NCEH1: variants seen among roughly 807,000 people sequenced by gnomAD.
The protein encoded by NCEH1 is neutral cholesterol ester hydrolase 1.
A neutral mutation model predicts 25.4 loss-of-function variants in NCEH1; 9 were observed. The observed-to-expected ratio is 0.35, with a 90% CI of 0.21 to 0.62. NCEH1 has a LOEUF of 0.62. Among genes scored for constraint, NCEH1 ranks in the 20% least tolerant of loss-of-function variants. The probability of loss-of-function intolerance (pLI) is 0.72; values close to 1 mark genes in which losing one functional copy is unlikely to be tolerated. For synonymous variants in NCEH1, 200 were observed against 199.8 expected (o/e 1.00, Z -0.01); for missense variants, 412 against 501.1 (o/e 0.82, Z 1.70).
chr3:172,696,486 T>G (rs1713379581), intron 1 of NCEH1, among the ~76,000 whole-genome samples: 1 of 152,266 alleles, frequency 6.6e-6, no homozygotes. Context: ...TTAACTAATG[T>G]TTGATGATGA....
intron 1 of NCEH1, among the ~76,000 whole-genome samples, chr3:172,696,696 T>C (rs1483858597): frequency 6.6e-6 from 1 of 152,186 alleles, no homozygotes; most frequent in African/African-American, 2.4e-5. Context: ...GTAAACACTA[T>C]GAAAATGTTC....
At chr3:172,651,812 G>A (rs1270135580) in intron 1 of NCEH1, among the ~76,000 whole-genome samples, 3 of 152,092 alleles carry the variant, frequency 2.0e-5, no homozygotes, top group East Asian at 1.9e-4. Flanking sequence ...ACCCACCTCC[G>A]CCTCCCAAAA....
At chr3:172,678,597 A>G (rs1234159075) in intron 1 of NCEH1, among the ~76,000 whole-genome samples, 1 of 152,228 alleles carries the variant, frequency 6.6e-6, no homozygotes, top group East Asian at 1.9e-4. Context: ...CTTCCATATA[A>G]TGATCTTCCT....
At chr3:172,700,131 AAACTT>A (rs1391741914) in intron 1 of NCEH1, among the ~76,000 whole-genome samples, 1 of 152,202 alleles carries the variant, frequency 6.6e-6, no homozygotes, top group Non-Finnish European at 1.5e-5. Context: ...ATAGAGGTAA[AAACTT>A]AAAGCCATTT....
At chr3:172,674,055 C>T (rs947543606) in intron 1 of NCEH1, among the ~76,000 whole-genome samples, 6 of 152,200 alleles carry the variant, frequency 3.9e-5, no homozygotes, top group African/African-American at 1.4e-4. Context: ...AGAATTAACA[C>T]AACCAGCAGA....
rs1179668494 is a variant in NCEH1 at position 172,630,755 on chromosome 3, T to G, written c.*2720A>C. ...TCACTTTATAAAATATATTTGCTAT[T>G]AAAATCATTCATAAAATCTACCTTC... On this transcript the variant is annotated 3_prime_UTR_variant, in exon 5 of 5. Coordinates refer to ENST00000475381, the MANE Select transcript of NCEH1 (RefSeq NM_020792.6). 1 of 152,216 alleles carries G rather than the reference T, an allele frequency of 6.6e-6. No individual in the cohort carries two copies. The highest frequency in any genetic ancestry group is 1.5e-5 in the Non-Finnish European group (1 of 68,042). 9.4% of individuals were successfully genotyped at this position (152,216 alleles called of 1,614,324 possible). A position where few individuals can be genotyped will look rare whatever the true frequency, so the allele number is the denominator to read the frequency against.
Position 172,662,502 on chromosome 3 carries a change from CCT to C in NCEH1, c.139-14390_139-14389del, listed in dbSNP as rs1380991635. Among the ~76,000 whole-genome samples, 3 of 152,070 alleles carry C rather than the reference CCT, an allele frequency of 2.0e-5. No individual in the cohort carries two copies. In the East Asian group the frequency reaches 5.8e-4, roughly 29 times the overall value. On this transcript the variant is annotated intron_variant, in intron 1 of 4. Transcript: ENST00000475381. ...TTATAAAATGAGTTAGGGAGGATTC[CCT>C]CTTTTTCTATGATTGGAATAGTTTC...
At position 172,683,161 on chromosome 3, in the gene NCEH1, TGG is replaced by T. The variant is rs1712488301; in HGVS notation, c.138+27684_138+27685del. Among the ~76,000 whole-genome samples the T allele has an allele frequency of 3.1e-4, 20 of 64,566 alleles. 1 individual carries two copies. The highest frequency in any genetic ancestry group is 3.6e-4 in the African/African-American group (5 of 13,762). The allele number at this position is 64,566 out of a possible 152,430, so 42.4% of individuals were successfully genotyped here. A position where few individuals can be genotyped will look rare whatever the true frequency, so the allele number is the denominator to read the frequency against. Reference sequence around the variant, plus strand: ...GCTCACGCCTGTAATCCCAGCACTTTGGGAGGCCGAGGCGGGCGGATCACGAG... The same window carrying T: ...GCTCACGCCTGTAATCCCAGCACTTTGAGGCCGAGGCGGGCGGATCACGAG... On this transcript the variant is annotated intron_variant, in intron 1 of 4. Coordinates refer to ENST00000475381, the MANE Select transcript of NCEH1 (RefSeq NM_020792.6).
rs767091713 is a variant in NCEH1 at position 172,648,123 on chromosome 3, C to A, written c.139-9G>T. The A allele has an allele frequency of 6.2e-7, 1 of 1,613,582 alleles. No homozygotes were observed. Among genetic ancestry groups the A allele is most frequent in the African/African-American group, 1.3e-5 (1 of 74,958 alleles). On this transcript the variant is annotated splice_polypyrimidine_tract_variant and intron_variant, in intron 1 of 4. Transcript: ENST00000475381. ...TAGTGGATCAGGTTACTCTGCAGGG[C>A]GAGGGAGGAAATAAAGAGGGAGGGC...
intron 1 of NCEH1, among the ~76,000 whole-genome samples, chr3:172,709,517 G>A (rs575932086): frequency 4.6e-5 from 7 of 152,296 alleles, no homozygotes; most frequent in African/African-American, 1.7e-4. Flanking sequence ...GGAAGCAAGA[G>A]GAAAAGAAGG....
intron 1 of NCEH1, among the ~76,000 whole-genome samples, chr3:172,699,874 A>G (rs1324233578): frequency 6.6e-6 from 1 of 152,112 alleles, no homozygotes; most frequent in East Asian, 1.9e-4. Context: ...AACAAAGAAA[A>G]AAACACTGTT....
intron 1 of NCEH1, among the ~76,000 whole-genome samples, chr3:172,653,737 T>TTTTGTTTTTTTTTTTGTTTTTTG (rs1253767026): frequency 3.0e-5 from 2 of 67,106 alleles, no homozygotes; most frequent in African/African-American, 1.6e-4. Flanking sequence ...GTTGTTCTGT[T>TTTTGTTTTTTTTTTTGTTTTTTG]TTTTTTGTTT....
intron 3 of NCEH1, among the ~76,000 whole-genome samples, chr3:172,642,669 T>C (rs923047470): frequency 5.2e-5 from 7 of 134,114 alleles, no homozygotes; most frequent in Admixed American, 1.5e-4. Context: ...TGCTGATAAA[T>C]AAACGTGTAA....
chr3:172,656,137 T>G (rs1234427430), intron 1 of NCEH1, among the ~76,000 whole-genome samples: 8 of 152,178 alleles, frequency 5.3e-5, no homozygotes, highest in African/African-American at 1.9e-4. Flanking sequence ...TGTAATGGGT[T>G]GCAAAGTGAG....
chr3:172,678,517 C>T (rs1021407294), intron 1 of NCEH1, among the ~76,000 whole-genome samples: 1 of 152,164 alleles, frequency 6.6e-6, no homozygotes, highest in Admixed American at 6.5e-5. Context: ...ATTGAAAGAT[C>T]CACAATTACA....
chr3:172,646,821 A>G (rs1216675170), intron 2 of NCEH1, among the ~76,000 whole-genome samples: 1 of 152,176 alleles, frequency 6.6e-6, no homozygotes, highest in African/African-American at 2.4e-5. Flanking sequence ...CAAGCGTCCA[A>G]TGCTACAGAT....
intron 1 of NCEH1, among the ~76,000 whole-genome samples, chr3:172,665,537 A>C (rs1055397869): frequency 6.6e-6 from 1 of 152,240 alleles, no homozygotes; most frequent in African/African-American, 2.4e-5. Context: ...GGGATGTTTA[A>C]GTCTGCAGAA....
At chr3:172,668,229 G>T (rs1718311710) in intron 1 of NCEH1, among the ~76,000 whole-genome samples, 1 of 151,862 alleles carries the variant, frequency 6.6e-6, no homozygotes, top group African/African-American at 2.4e-5. Flanking sequence ...AGGGAAGAAA[G>T]CAGGTAGGGA....
At position 172,667,336 on chromosome 3, in the gene NCEH1, G is replaced by A. The variant is rs1481110508; in HGVS notation, c.139-19222C>T. On this transcript the variant is annotated intron_variant, in intron 1 of 4. Transcript: ENST00000475381. The stretch of plus-strand genomic sequence containing the variant: ...TCTAGGAGTAAATGCTTTAGCACGG[G>A]GCATAATAGCAGGCAATCTAGCACA... 2.0e-5 allele frequency among the ~76,000 whole-genome samples: 3 copies of A among 152,136 alleles called. No individual in the cohort carries two copies. In the East Asian group the frequency reaches 5.8e-4, roughly 29 times the overall value.
Sources: gnomAD v4.1 joint callset for allele counts (sites outside exome capture counted in the v4.1 genomes callset) on GRCh38, gnomAD v4.1.1 for gene constraint, MANE v1.5 for transcripts, NCBI Gene and HGNC (gene_info 2026-07-23, HGNC 2026-07-21) for gene names.